The following CROCC variants were observed in gnomAD, a reference collection of about 807,000 sequenced individuals.
CROCC encodes rootletin.
In CROCC, 180 loss-of-function variants were observed where a neutral mutation model predicts 245.2. That is an observed-to-expected ratio of 0.73 (90% CI 0.65 to 0.83). CROCC has a LOEUF of 0.83. Ranked by LOEUF, CROCC falls within the 40% of genes least tolerant of loss-of-function variation. The pLI is 0.00. For synonymous variants in CROCC, 1,205 were observed against 1,241.6 expected (o/e 0.97, Z 0.62); for missense variants, 2,688 against 2,779.4 (o/e 0.97, Z 0.74).
intron 25 of CROCC, among the ~76,000 whole-genome samples, 191 bp downstream of exon 25, chr1:16,956,347 G>A (rs2076250615): frequency 6.6e-6 from 1 of 152,210 alleles, no homozygotes; most frequent in Non-Finnish European, 1.5e-5. Flanking sequence ...CTGTGCAAAA[G>A]TCTGCGTGCA....
rs749433739 is a variant in CROCC, at chr1:16,968,335, C to A, written c.4993C>A (p.Leu1665Met). ...GCAGCGGCGCTCGCTTGAGGGGGAG[C>A]TGCAGCGCAGCCGCCTGGGCCTCAG... ...ELQRRSLEGE[L>M]QRSRLGLSDR... is the part of the protein sequence containing the mutation. The change falls in exon 31 of 37, where the codon CTG (leucine) becomes ATG (methionine). Residue 1665 changes from leucine to methionine, a missense_variant. Physicochemically the swap from Leu to Met is conservative, Grantham distance 15. This residue lies in a region of CROCC where 1,218 missense variants were observed against 1,286.3 expected (regional missense o/e 0.95). Transcript: ENST00000375541. 2 of 1,547,410 alleles carry A rather than the reference C, an allele frequency of 1.3e-6. No homozygotes were observed. Among genetic ancestry groups the A allele is most frequent in the East Asian group, 4.9e-5 (2 of 40,868 alleles).
chr1:16,947,628 C>A (rs144681253), intron 17 of CROCC, among the ~76,000 whole-genome samples: 2 of 151,492 alleles, frequency 1.3e-5, no homozygotes, highest in East Asian at 1.9e-4. Flanking sequence ...TATCCTGGAG[C>A]GCCTAGGTTT....
chr1:16,948,606 C>T lies in CROCC; in HGVS notation c.2708+82C>T, dbSNP rs572073098. ...TGACCAGCCACACGCAGGCACGGGC[C>T]CCCAGGGGCAGTTACTAAGGAGTCT... On this transcript the variant is annotated intron_variant, in intron 18 of 36. Transcript: ENST00000375541. 124 of 1,474,396 alleles carry T rather than the reference C, an allele frequency of 8.4e-5. No individual in the cohort carries two copies. In the African/African-American group the frequency reaches 1.5e-3, roughly 18 times the overall value. The allele number at this position is 1,474,396 out of a possible 1,614,324, so 91.3% of individuals were successfully genotyped here.
chr1:16,954,426 C>T lies in CROCC; in HGVS notation c.3321+69C>T. The T allele has an allele frequency of 6.5e-7, 1 of 1,547,134 alleles. No individual in the cohort carries two copies. Among genetic ancestry groups the T allele is most frequent in the Non-Finnish European group, 8.8e-7 (1 of 1,140,616 alleles). On this transcript the variant is annotated intron_variant, in intron 22 of 36. Transcript: ENST00000375541. The surrounding 1 kb of genome is among the most constrained non-coding windows in gnomAD (Gnocchi z 4.4). ...ACATCCCTGGCTGAGGAGCCCCCACCACGGGGCGGCATGGCCCTGTCCTGG... is the reference window on the plus strand; with the variant it reads ...ACATCCCTGGCTGAGGAGCCCCCACTACGGGGCGGCATGGCCCTGTCCTGG...
chr1:16,946,246 C>A lies in CROCC; in HGVS notation c.2137-13C>A. 1 of 1,609,152 alleles carries A rather than the reference C, an allele frequency of 6.2e-7. No homozygotes were observed. Among genetic ancestry groups the A allele is most frequent in the Non-Finnish European group, 8.5e-7 (1 of 1,178,714 alleles). ...TTCTGCCTTTCCTCATTTCTCGGGG[C>A]CTGACCCTGCAGGCTGAGGCTGGCC... On this transcript the variant is annotated splice_polypyrimidine_tract_variant and intron_variant, in intron 15 of 36. Transcript: ENST00000375541.
chr1:16,949,943 AT>A (rs2100481663), intron 19 of CROCC, among the ~76,000 whole-genome samples: 1 of 141,620 alleles, frequency 7.1e-6, no homozygotes, highest in African/African-American at 2.6e-5. Context: ...CTAATTTTAT[AT>A]TTTTAGTAGA....
intron 12 of CROCC, 77 bp downstream of exon 12, chr1:16,939,219 G>A: frequency 9.6e-6 from 12 of 1,244,338 alleles, no homozygotes; most frequent in Non-Finnish European, 1.3e-5. Context: ...TGGGGGCGGG[G>A]GCGGGGGCAG....
At chr1:16,925,963 G>C (rs1273630005) in intron 3 of CROCC, among the ~76,000 whole-genome samples, 1 of 152,252 alleles carries the variant, frequency 6.6e-6, no homozygotes, top group African/African-American at 2.4e-5. Flanking sequence ...CACACCCCCA[G>C]GGCCGCCTCT....
In CROCC at chr1:16,954,798, C is replaced by T. The variant is rs573098773; in HGVS notation, c.3386C>T (p.Ala1129Val). The change falls in exon 23 of 37, where the codon GCG (alanine) becomes GTG (valine). Residue 1129 changes from alanine to valine, a missense_variant. Physicochemically the swap from Ala to Val is moderately conservative, Grantham distance 64. Transcript: ENST00000375541. This position sits in a 1 kb window ranked among gnomAD's most constrained non-coding sequence, Gnocchi z 4.4. ...DLRAQREEAAAAHAQEVRRLQ... is the reference protein window; with the variant it reads ...DLRAQREEAAVAHAQEVRRLQ... ...CGGGCCCAGCGGGAGGAGGCTGCTG[C>T]GGCCCACGCCCAGGAGGTGAGGAGG... 3.3e-5 allele frequency: 52 copies of T among 1,552,702 alleles called. No homozygotes were observed. The highest frequency in any genetic ancestry group is 2.3e-4 in the African/African-American group (17 of 73,298).
chr1:16,945,209 T>G (rs1237541455), intron 14 of CROCC, among the ~76,000 whole-genome samples: 2 of 152,260 alleles, frequency 1.3e-5, no homozygotes, highest in African/African-American at 2.4e-5. Context: ...CTCCAGCCTG[T>G]GTGACAGAGC....
At chr1:16,932,888 C>T (rs1449164755) in intron 8 of CROCC, among the ~76,000 whole-genome samples, 3 of 152,292 alleles carry the variant, frequency 2.0e-5, no homozygotes, top group Non-Finnish European at 2.9e-5. Flanking sequence ...TTATGGCTCA[C>T]TACAGCCTCA....
rs1444502581 is a variant in CROCC at position 16,955,510 on chromosome 1, C to G, written c.3664C>G (p.Leu1222Val). 6.4e-7 allele frequency: 1 copy of G among 1,571,828 alleles called. No homozygotes were observed. Among genetic ancestry groups the G allele is most frequent in the Non-Finnish European group, 8.6e-7 (1 of 1,163,112 alleles). Reference protein sequence around the residue: ...REALRRSNEELRSAVKKAESE... With the variant: ...REALRRSNEEVRSAVKKAESE... ...GGCCCTGCGGCGTTCCAATGAGGAG[C>G]TTCGGTCTGCTGTGAAGAAGGCAGA... is the stretch of plus-strand genomic sequence containing the variant. The change falls in exon 24 of 37, where the codon CTT becomes GTT. Residue 1222 changes from leucine (L) to valine (V), a missense_variant. Leu to Val is a conservative substitution (Grantham distance 32, BLOSUM62 1). Coordinates refer to ENST00000375541, the MANE Select transcript of CROCC (RefSeq NM_014675.5).
intron 27 of CROCC, among the ~76,000 whole-genome samples, chr1:16,963,880 C>T (rs988577403): frequency 1.1e-4 from 17 of 152,078 alleles, no homozygotes; most frequent in Non-Finnish European, 2.4e-4. Context: ...ACTGCAACCT[C>T]CGCCTGCTGG....
rs1392013652 is a variant in CROCC, at chr1:16,947,341, C to T, written c.2514+350C>T. The stretch of plus-strand genomic sequence containing the variant: ...AAAATTAGCTGGGCGTGGTGGCACG[C>T]GCCTGTAGTCCCAGCTACTTGGGAG... On this transcript the variant is annotated intron_variant, in intron 17 of 36. Transcript: ENST00000375541. Among the ~76,000 whole-genome samples the T allele has an allele frequency of 3.9e-5, 6 of 152,208 alleles. No individual in the cohort carries two copies. In the East Asian group the frequency reaches 5.8e-4, roughly 15 times the overall value.
chr1:16,946,695 G>A (rs1245688763), intron 16 of CROCC, 66 bp from the exon 17 acceptor site: 7 of 1,476,534 alleles, frequency 4.7e-6, no homozygotes, highest in South Asian at 3.8e-5. Flanking sequence ...TGGGTGGGTG[G>A]AGGAGGCGTC....
Position 16,961,145 on chromosome 1 carries a change from G to A in CROCC, c.4405+15G>A, listed in dbSNP as rs1180983642. ...ACCCGCAGAAGGTAAGGGCAGTGCC[G>A]CGCGCAGGGAAGGGGGGAGGTGGGC... On this transcript the variant is annotated intron_variant, in intron 27 of 36. Transcript: ENST00000375541. 1 of 1,301,356 alleles carries A rather than the reference G, an allele frequency of 7.7e-7. No individual in the cohort carries two copies. The highest frequency in any genetic ancestry group is 9.7e-7 in the Non-Finnish European group (1 of 1,026,112). The allele number at this position is 1,301,356 out of a possible 1,614,324, so 80.6% of individuals were successfully genotyped here.
intron 3 of CROCC, among the ~76,000 whole-genome samples, chr1:16,928,575 G>A (rs559848273): frequency 3.4e-4 from 52 of 152,186 alleles, no homozygotes; most frequent in Middle Eastern, 3.4e-3. Context: ...AGGCCGAGGC[G>A]GGTGGATTAC....
At chr1:16,945,772 C>T (rs1396966160) in intron 15 of CROCC, among the ~76,000 whole-genome samples, 166 bp downstream of exon 15, 2 of 152,192 alleles carry the variant, frequency 1.3e-5, no homozygotes, top group African/African-American at 4.8e-5. Flanking sequence ...AGGCCACAGA[C>T]CTCTGGACCT....
chr1:16,961,175 C>T (rs894729066), intron 27 of CROCC, 45 bp downstream of exon 27: 8 of 1,277,548 alleles, frequency 6.3e-6, no homozygotes, highest in Non-Finnish European at 7.9e-6. Flanking sequence ...GTGGGCGGGC[C>T]GCACTGAGGC....
Sources: gnomAD v4.1 joint callset for allele counts (sites outside exome capture counted in the v4.1 genomes callset) on GRCh38, gnomAD v4.1.1 for gene constraint, gnomAD v4.1.1 regional missense constraint, Gnocchi (gnomAD v3.1) non-coding constraint, MANE v1.5 for transcripts, NCBI Gene and HGNC (gene_info 2026-07-23, HGNC 2026-07-21) for gene names.